DACH2: variants seen among roughly 807,000 people sequenced by gnomAD.
DACH2 encodes the protein dachshund homolog 2.
Under a neutral mutation model 35.8 loss-of-function variants are expected in DACH2, and 17 were observed. That is an observed-to-expected ratio of 0.48 (90% CI 0.33 to 0.71). The LOEUF (loss-of-function observed/expected upper bound fraction) is 0.71. DACH2 is among the 30% of genes least tolerant of loss of function. The pLI is 0.02. For synonymous variants in DACH2, 195 were observed against 177.3 expected (o/e 1.10, Z -0.79); for missense variants, 469 against 472.7 (o/e 0.99, Z 0.07).
chrX:86,325,020 T>A (rs1450858427), intron 1 of DACH2, among the ~76,000 whole-genome samples: 4 of 111,603 alleles, frequency 3.6e-5, no homozygotes, highest in Admixed American at 2.9e-4. Flanking sequence ...ATACATGGTT[T>A]TTTAGATATC....
intron 11 of DACH2, among the ~76,000 whole-genome samples, chrX:86,823,036 T>A (rs1205026602): frequency 9.0e-6 from 1 of 111,278 alleles, no homozygotes; most frequent in Non-Finnish European, 1.9e-5. Context: ...CACTGCGACC[T>A]CTGCCTCTCA....
rs766359324 is a variant in DACH2, at chrX:86,424,560, C to G, written c.527+47698C>G. Among the ~76,000 whole-genome samples the G allele has an allele frequency of 4.5e-5, 5 of 111,393 alleles. No individual in the cohort carries two copies. In the East Asian group the frequency reaches 1.4e-3, roughly 31 times the overall value. ...TGCCAACTTACTGAATTTTTTAAAT[C>G]AGTTCAAATAGTTTTCTTTTGTAGT... On this transcript the variant is annotated intron_variant, in intron 2 of 11. Coordinates refer to ENST00000373125, the MANE Select transcript of DACH2 (RefSeq NM_053281.3).
intron 1 of DACH2, among the ~76,000 whole-genome samples, chrX:86,237,170 C>T (rs1005753068): frequency 9.0e-6 from 1 of 111,548 alleles, no homozygotes. Flanking sequence ...GTTCTTCTGG[C>T]GCAATAACAC....
intron 2 of DACH2, among the ~76,000 whole-genome samples, chrX:86,407,877 A>G (rs781532731): frequency 8.9e-6 from 1 of 112,439 alleles, no homozygotes; most frequent in East Asian, 2.8e-4. Context: ...GCTTTCTGGT[A>G]TCACAACCCA....
chrX:86,181,183 T>TCTAC (rs775567274), intron 1 of DACH2, among the ~76,000 whole-genome samples: 2 of 109,654 alleles, frequency 1.8e-5, no homozygotes, highest in Admixed American at 9.8e-5. Flanking sequence ...TATCTATCTA[T>TCTAC]CTATCTATTT....
chrX:86,277,128 A>C (rs1397548780), intron 1 of DACH2, among the ~76,000 whole-genome samples: 1 of 111,556 alleles, frequency 9.0e-6, no homozygotes, highest in Non-Finnish European at 1.9e-5. Context: ...GGTAGTATGG[A>C]TATTTTAACA....
intron 2 of DACH2, among the ~76,000 whole-genome samples, chrX:86,471,139 A>G (rs1003369174): frequency 8.9e-5 from 10 of 111,915 alleles, no homozygotes; most frequent in Non-Finnish European, 1.9e-4. Flanking sequence ...CATTCAGTTC[A>G]TACATTCCTA....
intron 2 of DACH2, among the ~76,000 whole-genome samples, chrX:86,465,775 A>C (rs914718812): frequency 8.9e-6 from 1 of 112,120 alleles, no homozygotes; most frequent in African/African-American, 3.2e-5. Context: ...TATGGATAAT[A>C]TGTTTGTTTT....
intron 1 of DACH2, among the ~76,000 whole-genome samples, chrX:86,241,636 C>G (rs2033167453): frequency 8.9e-6 from 1 of 112,395 alleles, no homozygotes; most frequent in African/African-American, 3.2e-5. Flanking sequence ...ATAAAAGAAG[C>G]TGAATGGTAA....
intron 1 of DACH2, among the ~76,000 whole-genome samples, chrX:86,356,299 C>T (rs1437855384): frequency 9.0e-6 from 1 of 111,606 alleles, no homozygotes; most frequent in East Asian, 2.8e-4. Context: ...GTCCTTTCCC[C>T]ATTGTTTGTT....
intron 7 of DACH2, among the ~76,000 whole-genome samples, chrX:86,799,415 C>T (rs2042270184): frequency 8.9e-6 from 1 of 112,074 alleles, no homozygotes; most frequent in Non-Finnish European, 1.9e-5. Flanking sequence ...CGAATAGGAA[C>T]AGCTCGTGTC....
At chrX:86,278,218 C>A (rs769643901) in intron 1 of DACH2, among the ~76,000 whole-genome samples, 2 of 112,050 alleles carry the variant, frequency 1.8e-5, no homozygotes, top group South Asian at 7.5e-4. Flanking sequence ...ATGCCTGCAG[C>A]CATCATTAGT....
chrX:86,197,805 A>C (rs1426552758), intron 1 of DACH2, among the ~76,000 whole-genome samples: 1 of 111,485 alleles, frequency 9.0e-6, no homozygotes, highest in African/African-American at 3.3e-5. Context: ...CTCCCATGGA[A>C]TAATAGTGAG....
intron 1 of DACH2, among the ~76,000 whole-genome samples, chrX:86,330,979 A>G (rs954842423): frequency 2.7e-5 from 3 of 111,790 alleles, no homozygotes; most frequent in African/African-American, 9.7e-5. Flanking sequence ...TACACATGAA[A>G]TTTTACTTTA....
intron 3 of DACH2, among the ~76,000 whole-genome samples, chrX:86,551,649 A>G (rs2039050595): frequency 8.9e-6 from 1 of 112,094 alleles, no homozygotes. Flanking sequence ...AGCCTCTTAT[A>G]CAGGCAATTC....
At chrX:86,290,891 G>C (rs2034273264) in intron 1 of DACH2, among the ~76,000 whole-genome samples, 1 of 107,326 alleles carries the variant, frequency 9.3e-6, no homozygotes, top group African/African-American at 3.4e-5. Flanking sequence ...GCTTAGGATT[G>C]ACTTGGCGAT....
intron 1 of DACH2, among the ~76,000 whole-genome samples, chrX:86,188,205 TA>T (rs1390838729): frequency 8.9e-6 from 1 of 112,060 alleles, no homozygotes; most frequent in East Asian, 2.8e-4. Flanking sequence ...CAGGAGTCTC[TA>T]AGACCATTTT....
intron 2 of DACH2, among the ~76,000 whole-genome samples, chrX:86,505,923 A>T (rs1191523638): frequency 8.9e-6 from 1 of 112,222 alleles, no homozygotes; most frequent in South Asian, 3.7e-4. Context: ...TTAAGTTTAC[A>T]TCTCTAATCC....
intron 4 of DACH2, among the ~76,000 whole-genome samples, chrX:86,658,230 A>G (rs2040565365): frequency 9.0e-6 from 1 of 111,635 alleles, no homozygotes; most frequent in African/African-American, 3.2e-5. Flanking sequence ...ACACTGACCT[A>G]AAAATACTGG....
Sources: allele counts gnomAD v4.1 joint callset (sites outside exome capture counted in the v4.1 genomes callset), GRCh38; gene constraint gnomAD v4.1.1; transcripts MANE v1.5; gene names NCBI Gene and HGNC (gene_info 2026-07-23, HGNC 2026-07-21).